HMGB1: variants seen among roughly 807,000 people sequenced by gnomAD.
HMGB1 encodes the protein high mobility group protein B1.
For synonymous variants in HMGB1, 81 were observed against 84.0 expected (o/e 0.96, Z 0.19); for missense variants, 79 against 253.5 (o/e 0.31, Z 4.67).
At chr13:30,523,767 G>GCCT (rs1055995497) in intron 1 of HMGB1, among the ~76,000 whole-genome samples, 8 of 151,258 alleles carry the variant, frequency 5.3e-5, no homozygotes, top group African/African-American at 1.9e-4. Context: ...TTGAGATGGG[G>GCCT]CCTCACTCTA....
At chr13:30,533,188 G>A (rs1300942085) in intron 1 of HMGB1, among the ~76,000 whole-genome samples, 3 of 152,288 alleles carry the variant, frequency 2.0e-5, no homozygotes, top group Non-Finnish European at 2.9e-5. Context: ...AAAGGGCCCT[G>A]GAGCCAATGT....
chr13:30,554,830 T>A (rs1869606106), intron 1 of HMGB1: 1 of 753,948 alleles, frequency 1.3e-6, no homozygotes. Context: ...ATTCATGACT[T>A]GAGAATATTC....
intron 1 of HMGB1, among the ~76,000 whole-genome samples, chr13:30,616,370 ATGT>A (rs1296854810): frequency 2.0e-5 from 3 of 152,372 alleles, no homozygotes; most frequent in Admixed American, 6.5e-5. Context: ...CAGTTTGGTG[ATGT>A]TGTTTTGCAG....
chr13:30,602,311 G>T (rs1950411620), intron 1 of HMGB1, among the ~76,000 whole-genome samples: 1 of 152,182 alleles, frequency 6.6e-6, no homozygotes, highest in African/African-American at 2.4e-5. Flanking sequence ...CCCCAGCCCA[G>T]CTGCTAACTG....
At chr13:30,569,318 G>A (rs887767386) in intron 1 of HMGB1, among the ~76,000 whole-genome samples, 2 of 152,192 alleles carry the variant, frequency 1.3e-5, no homozygotes, top group African/African-American at 4.8e-5. Context: ...CACCAACTGT[G>A]TACTGTTTCT....
chr13:30,564,576 C>A (rs962779193), intron 1 of HMGB1, among the ~76,000 whole-genome samples: 1 of 152,194 alleles, frequency 6.6e-6, no homozygotes, highest in Non-Finnish European at 1.5e-5. Context: ...GTTTATAATA[C>A]CTAAAAGTAA....
At chr13:30,570,650 G>A (rs1165729037) in intron 1 of HMGB1, among the ~76,000 whole-genome samples, 1 of 152,180 alleles carries the variant, frequency 6.6e-6, no homozygotes, top group African/African-American at 2.4e-5. Flanking sequence ...TGTATTAAAT[G>A]CTCTGCTTCC....
intron 1 of HMGB1, among the ~76,000 whole-genome samples, chr13:30,523,157 C>G (rs1888277940): frequency 6.6e-6 from 1 of 152,230 alleles, no homozygotes; most frequent in Non-Finnish European, 1.5e-5. Context: ...TATCTCCCAG[C>G]AGGTACAGTA....
intron 1 of HMGB1, among the ~76,000 whole-genome samples, chr13:30,538,508 TTCC>T (rs1283207352): frequency 8.1e-6 from 1 of 122,988 alleles, no homozygotes; most frequent in African/African-American, 4.2e-5. Flanking sequence ...CTTTCTTTCT[TTCC>T]TTTCTTTCTT....
chr13:30,524,791 G>GTC (rs1888327716), intron 1 of HMGB1, among the ~76,000 whole-genome samples: 1 of 58,276 alleles, frequency 1.7e-5, no homozygotes, highest in Non-Finnish European at 5.0e-5. Context: ...CAATATTTAT[G>GTC]TCTGTAACCA....
At chr13:30,516,981 C>T (rs533794424) in intron 1 of HMGB1, among the ~76,000 whole-genome samples, 1 of 151,750 alleles carries the variant, frequency 6.6e-6, no homozygotes, top group South Asian at 2.1e-4. Flanking sequence ...TACATAAATG[C>T]TAAAAAAAAG....
At chr13:30,561,702 G>T (rs139040240) in intron 1 of HMGB1, among the ~76,000 whole-genome samples, 1 of 152,118 alleles carries the variant, frequency 6.6e-6, no homozygotes, top group South Asian at 2.1e-4. Context: ...AAGGGGAGTC[G>T]CCAGAAAGGA....
chr13:30,577,636 G>A (rs932340419), intron 1 of HMGB1, among the ~76,000 whole-genome samples: 4 of 152,144 alleles, frequency 2.6e-5, no homozygotes, highest in Non-Finnish European at 5.9e-5. Flanking sequence ...TGCGGATTAA[G>A]TCCTCATTCT....
intron 1 of HMGB1, among the ~76,000 whole-genome samples, chr13:30,504,219 T>A (rs2137455769): frequency 6.6e-6 from 1 of 152,300 alleles, no homozygotes; most frequent in Admixed American, 6.5e-5. Context: ...TGGATGTGAA[T>A]TACCCCACCC....
At chr13:30,473,984 A>T (rs1887008315) in intron 1 of HMGB1, among the ~76,000 whole-genome samples, 1 of 152,228 alleles carries the variant, frequency 6.6e-6, no homozygotes, top group Admixed American at 6.5e-5. Context: ...ATTTATATAA[A>T]ATATCCAGAA....
At chr13:30,481,479 G>A (rs1887227064) in intron 1 of HMGB1, among the ~76,000 whole-genome samples, 1 of 152,246 alleles carries the variant, frequency 6.6e-6, no homozygotes, top group African/African-American at 2.4e-5. Context: ...TCCAGAAGGA[G>A]TAATAAGAAA....
chr13:30,497,412 G>T (rs1887633601), intron 1 of HMGB1, among the ~76,000 whole-genome samples: 1 of 148,986 alleles, frequency 6.7e-6, no homozygotes, highest in African/African-American at 2.5e-5. Context: ...TGTATTTTTA[G>T]TAGAGATGGG....
chr13:30,536,939 G>A (rs1207530616), intron 1 of HMGB1, among the ~76,000 whole-genome samples: 1 of 152,112 alleles, frequency 6.6e-6, no homozygotes, highest in Non-Finnish European at 1.5e-5. Context: ...CAGCTCTACA[G>A]CTGCTTCCAA....
At chr13:30,490,172 A>T (rs1371706645) in intron 1 of HMGB1, among the ~76,000 whole-genome samples, 1 of 152,076 alleles carries the variant, frequency 6.6e-6, no homozygotes, top group African/African-American at 2.4e-5. Context: ...AATAATAAAT[A>T]TGTTTAGTGT....
Sources: gnomAD v4.1 joint callset for allele counts (sites outside exome capture counted in the v4.1 genomes callset) on GRCh38, gnomAD v4.1.1 for gene constraint, MANE v1.5 for transcripts, NCBI Gene and HGNC (gene_info 2026-07-23, HGNC 2026-07-21) for gene names.